Variants in PSMA3 observed in about 807,000 individuals in gnomAD.
PSMA3 encodes the protein proteasome subunit alpha type-3.
In PSMA3, 8 loss-of-function variants were observed where a neutral mutation model predicts 40.0. The ratio of observed to expected loss-of-function variants is 0.20; its 90% CI spans 0.12 to 0.36. PSMA3 has a LOEUF of 0.36. Among genes scored for constraint, PSMA3 ranks in the 10% least tolerant of loss-of-function variants. PSMA3 has a pLI of 1.00. For synonymous variants in PSMA3, 110 were observed against 100.0 expected, an observed-to-expected ratio of 1.10 and a Z score of -0.59; for missense variants, 219 against 310.6, an observed-to-expected ratio of 0.70 and a Z score of 2.22.
intron 3 of PSMA3, among the ~76,000 whole-genome samples, chr14:58,255,454 C>T (rs7146877): frequency 0.014 from 2,196 of 152,212 alleles, 46 homozygotes; most frequent in African/African-American, 0.05. Flanking sequence ...ACTACTTGGA[C>T]ATTTTTCTCC....
chr14:58,271,736 T>C, intron 10 of PSMA3, 115 bp from the exon 11 acceptor site: 2 of 724,966 alleles, frequency 2.8e-6, no homozygotes, highest in Non-Finnish European at 4.9e-6. Context: ...GTTCATTCAG[T>C]TACAAGTAGA....
At position 58,260,945 on chromosome 14, in the gene PSMA3, C is replaced by T; in HGVS notation, c.405-3C>T. 1.2e-6 allele frequency: 2 copies of T among 1,604,108 alleles called. No homozygotes were observed. The highest frequency in any genetic ancestry group is 1.7e-5 in the Admixed American group (1 of 59,170). The stretch of plus-strand genomic sequence containing the variant: ...TTTAAGCTGTTTGTATACTTTCATG[C>T]AGTTTCATGTTAGGGTCTTACAGTG... On this transcript the variant is annotated splice_region_variant and splice_polypyrimidine_tract_variant and intron_variant, in intron 5 of 10. Coordinates refer to ENST00000216455, the MANE Select transcript of PSMA3 (RefSeq NM_002788.4).
At chr14:58,267,954 T>TC (rs2140096636) in intron 8 of PSMA3, 1 of 152,634 alleles carries the variant, frequency 6.6e-6, no homozygotes, top group South Asian at 2.1e-4. Context: ...TTGGGAAAGA[T>TC]ATGTTTCACT....
intron 5 of PSMA3, among the ~76,000 whole-genome samples, chr14:58,260,001 C>T (rs1409792846): frequency 1.3e-5 from 2 of 152,010 alleles, no homozygotes; most frequent in East Asian, 1.9e-4. Flanking sequence ...AGTCTCATAT[C>T]GGTAGAAAAT....
intron 5 of PSMA3, 85 bp downstream of exon 5, chr14:58,258,083 C>G: frequency 9.5e-7 from 1 of 1,048,262 alleles, no homozygotes; most frequent in Admixed American, 2.1e-5. Context: ...CTTTTACATA[C>G]TTAAAAATAG....
chr14:58,271,533 G>C (rs1039048206), intron 10 of PSMA3, among the ~76,000 whole-genome samples: 1 of 151,824 alleles, frequency 6.6e-6, no homozygotes, highest in Non-Finnish European at 1.5e-5. Flanking sequence ...TACAGAGACG[G>C]GTTTTCACCA....
intron 8 of PSMA3, 135 bp from the exon 9 acceptor site, chr14:58,270,283 T>C (rs1322931397): frequency 8.0e-7 from 1 of 1,250,688 alleles, no homozygotes; most frequent in East Asian, 2.5e-5. Flanking sequence ...TTAAATACTA[T>C]GTAGAATGTG....
intron 7 of PSMA3, 29 bp from the exon 8 acceptor site, chr14:58,267,437 TTCTTCTGA>T (rs750724983): frequency 1.4e-6 from 2 of 1,470,252 alleles, no homozygotes; most frequent in Admixed American, 5.2e-5. Flanking sequence ...GTGGAAAATG[TTCTTCTGA>T]TGAACAGTAT....
At chr14:58,258,983 G>A (rs1387335469) in intron 5 of PSMA3, among the ~76,000 whole-genome samples, 6 of 152,196 alleles carry the variant, frequency 3.9e-5, no homozygotes, top group Admixed American at 2.0e-4. Flanking sequence ...CTGAGCTGGA[G>A]TGCAGTGGTG....
At chr14:58,263,360 CTT>C (rs534169371) in intron 6 of PSMA3, among the ~76,000 whole-genome samples, 10 of 152,222 alleles carry the variant, frequency 6.6e-5, no homozygotes, top group South Asian at 4.1e-4. Context: ...TAGGAATTAA[CTT>C]TATTTCTGTC....
rs984026779 is a variant in PSMA3 at position 58,250,089 on chromosome 14, G to A, written c.105-2030G>A. On this transcript the variant is annotated intron_variant, in intron 2 of 10. Transcript: ENST00000216455. ...CAAAAAATTAGCCGGGCATGGCAGT[G>A]CGCGCCTGTAATCCCAGCTACTTGG... Among the ~76,000 whole-genome samples the A allele has an allele frequency of 5.9e-5, 9 of 151,688 alleles. 1 individual carries two copies. Among genetic ancestry groups the A allele is most frequent in the South Asian group, 2.1e-4 (1 of 4,794 alleles).
intron 6 of PSMA3, among the ~76,000 whole-genome samples, chr14:58,261,890 A>T (rs545942950): frequency 2.4e-4 from 36 of 152,156 alleles, no homozygotes; most frequent in Admixed American, 1.0e-3. Context: ...TGCTGGGACT[A>T]CAGGCGTGAG....
chr14:58,255,107 C>T (rs188358926), intron 3 of PSMA3, among the ~76,000 whole-genome samples: 12 of 151,408 alleles, frequency 7.9e-5, no homozygotes, highest in African/African-American at 7.3e-5. Context: ...TTCCCTAGGC[C>T]GAAAATACCT....
At chr14:58,271,800 G>A (rs1289435218) in intron 10 of PSMA3, 51 bp from the exon 11 acceptor site, 3 of 1,349,720 alleles carry the variant, frequency 2.2e-6, no homozygotes, top group Non-Finnish European at 3.2e-6. Context: ...CACAGGTGTG[G>A]GATATAACAA....
chr14:58,267,347 G>A (rs532501044), intron 7 of PSMA3, 127 bp from the exon 8 acceptor site: 12 of 1,242,202 alleles, frequency 9.7e-6, no homozygotes, highest in Middle Eastern at 2.9e-4. Flanking sequence ...AGGAAACTTC[G>A]ATTCTGGTCT....
At chr14:58,246,704 TTTATTTTTA>T (rs1889889206) in intron 1 of PSMA3, among the ~76,000 whole-genome samples, 1 of 152,162 alleles carries the variant, frequency 6.6e-6, no homozygotes, top group Non-Finnish European at 1.5e-5. Flanking sequence ...GCCTAGCAAG[TTTATTTTTA>T]TTATTTTTAT....
chr14:58,260,679 A>G (rs1430400426), intron 5 of PSMA3, among the ~76,000 whole-genome samples: 4 of 152,154 alleles, frequency 2.6e-5, no homozygotes, highest in Admixed American at 6.5e-5. Context: ...GTTTTCATCT[A>G]TCGTTACTCC....
At chr14:58,269,713 A>C (rs1317235381) in intron 8 of PSMA3, 2 of 152,092 alleles carry the variant, frequency 1.3e-5, no homozygotes, top group Admixed American at 1.3e-4. Flanking sequence ...GATTACAGGC[A>C]CGAGCCACCA....
chr14:58,269,132 C>G, intron 8 of PSMA3, among the ~76,000 whole-genome samples: 1 of 151,964 alleles, frequency 6.6e-6, no homozygotes, highest in East Asian at 1.9e-4. Context: ...ACAGGCTTTA[C>G]CATCTTGGCC....
Sources: allele counts gnomAD v4.1 joint callset (sites outside exome capture counted in the v4.1 genomes callset), GRCh38; gene constraint gnomAD v4.1.1; transcripts MANE v1.5; gene names NCBI Gene and HGNC (gene_info 2026-07-23, HGNC 2026-07-21).